The following ABCG1 variants were observed in gnomAD, a reference collection of about 807,000 sequenced individuals.
The protein encoded by ABCG1 is ATP-binding cassette sub-family G member 1.
ABCG1 carries 29 observed loss-of-function variants against 69.2 expected under a neutral mutation model. The observed-to-expected ratio is 0.42, with a 90% CI of 0.31 to 0.57. The LOEUF (loss-of-function observed/expected upper bound fraction) is 0.57, where lower values mean the gene tolerates loss of function less well. ABCG1 is among the 20% of genes least tolerant of loss of function. The probability of loss-of-function intolerance (pLI) is 0.15; values close to 1 mark genes in which losing one functional copy is unlikely to be tolerated. For synonymous variants in ABCG1, 370 were observed against 374.8 expected, an observed-to-expected ratio of 0.99 and a Z score of 0.15; for missense variants, 718 against 898.1, an observed-to-expected ratio of 0.80 and a Z score of 2.56.
intron 2 of ABCG1, among the ~76,000 whole-genome samples, chr21:42,206,383 T>TAAATAAATAAATAAAC (rs1328444561): frequency 4.8e-5 from 7 of 144,434 alleles, no homozygotes; most frequent in African/African-American, 1.9e-4. Context: ...AATAAATAAA[T>TAAATAAATAAATAAAC]AAACAAACAA....
chr21:42,290,795 G>A (rs1300385420), intron 11 of ABCG1, among the ~76,000 whole-genome samples: 1 of 152,188 alleles, frequency 6.6e-6, no homozygotes, highest in African/African-American at 2.4e-5. Flanking sequence ...AGTTTCAGAA[G>A]AGGCAGACTC....
At position 42,243,459 on chromosome 21, in the gene ABCG1, T is replaced by C. The variant is rs60745406; in HGVS notation, c.286+17545T>C. On this transcript the variant is annotated intron_variant, in intron 2 of 14. Transcript: ENST00000398449. ...CCGTGTGTGTGCGCGTGTGTGTGTG[T>C]GTGTGTGTGTGTGTGTGTGTGTGTG... Among the ~76,000 whole-genome samples the C allele has an allele frequency of 4.4e-3, 652 of 149,524 alleles. 7 individuals carry two copies. The highest frequency in any genetic ancestry group is 0.015 in the African/African-American group (591 of 40,330).
chr21:42,236,813 C>A (rs112872447), intron 2 of ABCG1, among the ~76,000 whole-genome samples: 36 of 152,326 alleles, frequency 2.4e-4, no homozygotes, highest in Non-Finnish European at 3.7e-4. Context: ...TGTTACATTA[C>A]TAAAAACAGT....
intron 2 of ABCG1, among the ~76,000 whole-genome samples, chr21:42,228,939 C>A (rs1177418328): frequency 2.6e-5 from 4 of 152,242 alleles, no homozygotes; most frequent in African/African-American, 9.6e-5. Context: ...AAATGCGGAT[C>A]TTGTGTTGGG....
intron 2 of ABCG1, among the ~76,000 whole-genome samples, chr21:42,248,106 G>C (rs2068160384): frequency 6.6e-6 from 1 of 152,182 alleles, no homozygotes; most frequent in Non-Finnish European, 1.5e-5. Flanking sequence ...AAAGAAAAGT[G>C]GTAGGAAGCA....
At chr21:42,227,309 T>C (rs998768927) in intron 2 of ABCG1, among the ~76,000 whole-genome samples, 1 of 152,220 alleles carries the variant, frequency 6.6e-6, no homozygotes, top group Non-Finnish European at 1.5e-5. Context: ...AATTTCAACA[T>C]AGGGTTCTAG....
intron 1 of ABCG1, among the ~76,000 whole-genome samples, chr21:42,200,933 T>C (rs2067501743): frequency 6.6e-6 from 1 of 152,194 alleles, no homozygotes; most frequent in Admixed American, 6.5e-5. Flanking sequence ...TTATTGTTTT[T>C]CATTTTTCTT....
rs201442711 is a variant in ABCG1 at position 42,243,489 on chromosome 21, T to TGC, written c.286+17578_286+17579dup. Reference sequence around the variant, plus strand: ...GTGTGTGTGTGTGTGTGTGTGTGTGTGCGCTGGTTTATAATATCACCTGGG... The same window carrying TGC: ...GTGTGTGTGTGTGTGTGTGTGTGTGTGCGCGCTGGTTTATAATATCACCTGGG... On this transcript the variant is annotated intron_variant, in intron 2 of 14. Coordinates refer to ENST00000398449, the MANE Select transcript of ABCG1 (RefSeq NM_016818.3). 9.0e-3 allele frequency among the ~76,000 whole-genome samples: 1,254 copies of TGC among 139,836 alleles called. 14 individuals carry two copies. The highest frequency in any genetic ancestry group is 0.013 in the Non-Finnish European group (874 of 64,832). The allele number at this position is 139,836 out of a possible 152,430, so 91.7% of individuals were successfully genotyped here. A position where few individuals can be genotyped will look rare whatever the true frequency, so the allele number is the denominator to read the frequency against.
At chr21:42,257,005 T>C (rs2068316959) in intron 2 of ABCG1, among the ~76,000 whole-genome samples, 1 of 152,268 alleles carries the variant, frequency 6.6e-6, no homozygotes, top group Non-Finnish European at 1.5e-5. Context: ...CAGTGTTTAT[T>C]AACCATTTTC....
At position 42,276,729 on chromosome 21, in the gene ABCG1, A is replaced by T; in HGVS notation, c.538-166A>T. 1.5e-6 allele frequency: 1 copy of T among 669,856 alleles called. No homozygotes were observed. The highest frequency in any genetic ancestry group is 2.6e-6 in the Non-Finnish European group (1 of 381,548). The allele number at this position is 669,856 out of a possible 1,614,324, so 41.5% of individuals were successfully genotyped here. Reference sequence around the variant, plus strand: ...CACCGTGGCTAGCTGCACCGTGGCTAGCGGCATTGTGGCTAGCTGCACTGT... The same window carrying T: ...CACCGTGGCTAGCTGCACCGTGGCTTGCGGCATTGTGGCTAGCTGCACTGT... On this transcript the variant is annotated intron_variant, in intron 4 of 14. Coordinates refer to ENST00000398449, the MANE Select transcript of ABCG1 (RefSeq NM_016818.3). The surrounding 1 kb of genome is among the most constrained non-coding windows in gnomAD (Gnocchi z 5.3).
chr21:42,201,339 A>C (rs2067504430), intron 1 of ABCG1, among the ~76,000 whole-genome samples: 1 of 152,114 alleles, frequency 6.6e-6, no homozygotes, highest in African/African-American at 2.4e-5. Context: ...CTCAGCTCAC[A>C]ATAGGGTTTT....
Position 42,296,176 on chromosome 21 carries a change from A to AT in ABCG1, c.1785_1786insT (p.Gly596TrpfsTer17). 1 of 1,613,964 alleles carries AT rather than the reference A, an allele frequency of 6.2e-7. No homozygotes were observed. The highest frequency in any genetic ancestry group is 8.5e-7 in the Non-Finnish European group (1 of 1,179,966). ...CCTTTCCTCCTAGGTATGGGTTCGA[A>AT]GGGGTCATCCTCTCCATCTATGGCT... On this transcript the variant is annotated frameshift_variant, in exon 15 of 15. Coordinates refer to ENST00000398449, the MANE Select transcript of ABCG1 (RefSeq NM_016818.3). LOFTEE classifies it high-confidence loss of function. The surrounding 1 kb of genome is among the most constrained non-coding windows in gnomAD (Gnocchi z 5.4).
At chr21:42,204,803 C>T (rs1022313590) in intron 2 of ABCG1, among the ~76,000 whole-genome samples, 2 of 152,144 alleles carry the variant, frequency 1.3e-5, no homozygotes, top group East Asian at 3.9e-4. Context: ...CCTCTTGCCT[C>T]AGCCAATGAT....
chr21:42,239,762 G>A (rs2068024767), intron 2 of ABCG1, among the ~76,000 whole-genome samples: 1 of 152,232 alleles, frequency 6.6e-6, no homozygotes, highest in East Asian at 1.9e-4. Context: ...TTCCGGTTGG[G>A]GCAGAAGACC....
chr21:42,270,023 T>C lies in ABCG1; in HGVS notation c.287-1047T>C, dbSNP rs540516524. 9.2e-5 allele frequency among the ~76,000 whole-genome samples: 14 copies of C among 152,246 alleles called. No individual in the cohort carries two copies. The East Asian group carries it at 1.9e-3, about 21-fold the overall frequency. On this transcript the variant is annotated intron_variant, in intron 2 of 14. Transcript: ENST00000398449. ...GCTCACGCCTGTAATCCCAGCACTT[T>C]GGGAGGCCGAGGCGGGCGGATCACA...
At chr21:42,268,556 A>G (rs1200394453) in intron 2 of ABCG1, among the ~76,000 whole-genome samples, 1 of 152,218 alleles carries the variant, frequency 6.6e-6, no homozygotes, top group African/African-American at 2.4e-5. Context: ...CTTTGTTTCC[A>G]GAGCCACTTT....
chr21:42,259,546 G>C (rs1195435346), intron 2 of ABCG1: 1 of 1,523,130 alleles, frequency 6.6e-7, no homozygotes, highest in East Asian at 2.5e-5. Flanking sequence ...CATCATGTGG[G>C]CCCTCAGGCT....
chr21:42,246,016 G>C (rs2068129699), intron 2 of ABCG1, among the ~76,000 whole-genome samples: 1 of 152,214 alleles, frequency 6.6e-6, no homozygotes, highest in Admixed American at 6.5e-5. Flanking sequence ...TAGAGAGGTG[G>C]GGGCAGGCGG....
chr21:42,254,746 T>C (rs1212895937), intron 2 of ABCG1, among the ~76,000 whole-genome samples: 1 of 152,248 alleles, frequency 6.6e-6, no homozygotes, highest in Admixed American at 6.5e-5. Flanking sequence ...CTTTCTGCCT[T>C]GAGCTTTCTC....
Sources: allele counts gnomAD v4.1 joint callset (sites outside exome capture counted in the v4.1 genomes callset), GRCh38; gene constraint gnomAD v4.1.1; non-coding constraint Gnocchi (gnomAD v3.1); transcripts MANE v1.5; gene names NCBI Gene and HGNC (gene_info 2026-07-23, HGNC 2026-07-21).